The following FREM1 variants were observed in gnomAD, a reference collection of about 807,000 sequenced individuals.
FREM1 encodes the protein FRAS1-related extracellular matrix protein 1.
In FREM1, 220 loss-of-function variants were observed where a neutral mutation model predicts 210.1. The observed-to-expected ratio is 1.05, with a 90% CI of 0.94 to 1.17. The LOEUF (loss-of-function observed/expected upper bound fraction) is 1.17. Ranked by LOEUF, FREM1 falls within the 50% of genes most tolerant of loss-of-function variation. FREM1 has a pLI of 0.00. For missense variants in FREM1, 3,454 were observed against 2,675.5 expected, an observed-to-expected ratio of 1.29 and a Z score of -6.42; for synonymous variants, 1,189 against 980.2, an observed-to-expected ratio of 1.21 and a Z score of -3.98.
At chr9:14,770,136 C>T (rs929323311) in intron 26 of FREM1, among the ~76,000 whole-genome samples, 3 of 152,032 alleles carry the variant, frequency 2.0e-5, no homozygotes, top group Non-Finnish European at 4.4e-5. Flanking sequence ...TAATAAAAAT[C>T]TGTAACTTGG....
At chr9:14,754,347 A>G (rs1843905650) in intron 29 of FREM1, among the ~76,000 whole-genome samples, 1 of 152,226 alleles carries the variant, frequency 6.6e-6, no homozygotes, top group South Asian at 2.1e-4. Flanking sequence ...TTTCCCATAT[A>G]TAACAGGATC....
At chr9:14,841,167 G>C (rs1049690483) in intron 10 of FREM1, among the ~76,000 whole-genome samples, 7 of 152,154 alleles carry the variant, frequency 4.6e-5, no homozygotes, top group Non-Finnish European at 8.8e-5. Flanking sequence ...ATGTTTTCTT[G>C]AGTGTCGGGA....
At chr9:14,848,074 C>T (rs1426086928) in intron 7 of FREM1, among the ~76,000 whole-genome samples, 5 of 152,158 alleles carry the variant, frequency 3.3e-5, no homozygotes, top group Admixed American at 2.0e-4. Context: ...TACTATCTAC[C>T]ACCACTGCTT....
intron 5 of FREM1, 70 bp from the exon 6 acceptor site, chr9:14,851,677 G>C (rs1391499544): frequency 1.7e-6 from 2 of 1,193,958 alleles, no homozygotes; most frequent in Non-Finnish European, 2.5e-6. Context: ...AGGGCTAATA[G>C]CATAATATTT....
In FREM1 at chr9:14,824,251, G is replaced by A. The variant is rs1028027183; in HGVS notation, c.2079-136C>T. The A allele has an allele frequency of 9.8e-5, 59 of 601,528 alleles. No homozygotes were observed. The South Asian group carries it at 1.3e-3, about 13-fold the overall frequency. The allele number at this position is 601,528 out of a possible 1,614,324, so 37.3% of individuals were successfully genotyped here. A position where few individuals can be genotyped will look rare whatever the true frequency, so the allele number is the denominator to read the frequency against. On this transcript the variant is annotated intron_variant, in intron 11 of 36. Coordinates refer to ENST00000380880, the MANE Select transcript of FREM1 (RefSeq NM_001379081.2). ...CTCTATCTTTATATTCTCTCTTTAT[G>A]TTGGGAGATTCTAGCATTAAGTCCA...
At chr9:14,905,181 G>A (rs145807795) in intron 1 of FREM1, among the ~76,000 whole-genome samples, 263 of 152,228 alleles carry the variant, frequency 1.7e-3, no homozygotes, top group Middle Eastern at 3.4e-3. Flanking sequence ...TTCTTTTAGT[G>A]CTGATCATTG....
rs1433476741 is a variant in FREM1 at position 14,784,638 on chromosome 9, C to T, written c.4178-4G>A. 2 of 1,550,924 alleles carry T rather than the reference C, an allele frequency of 1.3e-6. No homozygotes were observed. ...TTTGTAAGGATGACAATATCACCTA[C>T]ATGACATAAGAGGTTATGGTCAATA... On this transcript the variant is annotated splice_polypyrimidine_tract_variant and splice_region_variant and intron_variant, in intron 23 of 36. Transcript: ENST00000380880.
intron 3 of FREM1, among the ~76,000 whole-genome samples, 154 bp from the exon 4 acceptor site, chr9:14,859,638 G>C (rs1406624983): frequency 6.6e-6 from 1 of 152,124 alleles, no homozygotes; most frequent in African/African-American, 2.4e-5. Flanking sequence ...CAGCCTCTCT[G>C]TTCTTTTCCC....
chr9:14,768,635 G>A (rs1003371515), intron 27 of FREM1, among the ~76,000 whole-genome samples: 2 of 152,072 alleles, frequency 1.3e-5, no homozygotes, highest in Non-Finnish European at 2.9e-5. Context: ...TCGAGGCAAC[G>A]GAGTGGGACG....
intron 29 of FREM1, among the ~76,000 whole-genome samples, chr9:14,752,054 A>G (rs1310582061): frequency 6.6e-6 from 1 of 151,004 alleles, no homozygotes; most frequent in African/African-American, 2.4e-5. Context: ...ATAAATCAAT[A>G]CATCAAAATA....
chr9:14,900,081 CCT>C (rs1838499957), intron 1 of FREM1, among the ~76,000 whole-genome samples: 1 of 152,188 alleles, frequency 6.6e-6, no homozygotes, highest in Admixed American at 6.5e-5. Context: ...CAGACCTACT[CCT>C]CTGTCCTAGA....
At chr9:14,849,211 T>C (rs575504397) in intron 6 of FREM1, among the ~76,000 whole-genome samples, 1 of 152,182 alleles carries the variant, frequency 6.6e-6, no homozygotes, top group African/African-American at 2.4e-5. Context: ...GAAAATGCTA[T>C]TGTCATCGAG....
chr9:14,837,768 A>G (rs771482424), intron 10 of FREM1, among the ~76,000 whole-genome samples: 1 of 152,228 alleles, frequency 6.6e-6, no homozygotes, highest in Non-Finnish European at 1.5e-5. Context: ...TAGAAAAATG[A>G]CTGCCATTGT....
intron 1 of FREM1, among the ~76,000 whole-genome samples, chr9:14,890,508 C>A (rs1463074999): frequency 3.3e-5 from 5 of 152,048 alleles, no homozygotes; most frequent in Non-Finnish European, 7.4e-5. Context: ...CTTTTTAAGC[C>A]CAAAGTCTGC....
At chr9:14,774,169 T>C (rs759914883) in intron 25 of FREM1, 7 of 517,674 alleles carry the variant, frequency 1.4e-5, no homozygotes, top group South Asian at 9.8e-5. Flanking sequence ...ATCCACTCTA[T>C]GATCTCAAGA....
intron 1 of FREM1, among the ~76,000 whole-genome samples, chr9:14,898,173 G>C (rs989441466): frequency 1.1e-4 from 16 of 152,104 alleles, no homozygotes; most frequent in African/African-American, 2.9e-4. Context: ...TAATTTCTTT[G>C]AGCAAGGTTC....
At chr9:14,886,488 G>A (rs1277118442) in intron 1 of FREM1, among the ~76,000 whole-genome samples, 3 of 151,560 alleles carry the variant, frequency 2.0e-5, no homozygotes, top group Non-Finnish European at 4.4e-5. Context: ...CCACCCAAAC[G>A]GAAGAGATTT....
intron 20 of FREM1, among the ~76,000 whole-genome samples, chr9:14,798,538 A>T (rs1485217625): frequency 1.3e-5 from 2 of 152,088 alleles, no homozygotes; most frequent in Non-Finnish European, 2.9e-5. Flanking sequence ...TGATCCCAGG[A>T]ATTTGAGGCT....
intron 5 of FREM1, among the ~76,000 whole-genome samples, chr9:14,856,814 C>A (rs1189151175): frequency 2.2e-5 from 3 of 136,708 alleles, no homozygotes; most frequent in Non-Finnish European, 4.5e-5. Flanking sequence ...CCAGCCTGGG[C>A]GACAGAGCGA....
Sources: allele counts gnomAD v4.1 joint callset (sites outside exome capture counted in the v4.1 genomes callset), GRCh38; gene constraint gnomAD v4.1.1; transcripts MANE v1.5; gene names NCBI Gene and HGNC (gene_info 2026-07-23, HGNC 2026-07-21).